Variants in MNT observed in about 807,000 individuals in gnomAD.
The protein encoded by MNT is max-binding protein MNT.
Under a neutral mutation model 40.7 loss-of-function variants are expected in MNT, and 13 were observed. That is an observed-to-expected ratio of 0.32 (90% CI 0.21 to 0.51). MNT has a LOEUF of 0.51. Ranked by LOEUF, MNT falls within the 20% of genes least tolerant of loss-of-function variation. The pLI is 0.98. For missense variants in MNT, 757 were observed against 792.0 expected (o/e 0.96, Z 0.53); for synonymous variants, 426 against 354.8 (o/e 1.20, Z -2.26).
rs763752700 is a variant in MNT at position 2,394,965 on chromosome 17, G to A, written c.563C>T (p.Pro188Leu). The change falls in exon 2 of 6, where the codon CCC becomes CTC. Residue 188 changes from proline (P) to leucine (L), a missense_variant. By Grantham distance (98) the Pro-to-Leu change is moderately conservative (BLOSUM62 -3). Transcript: ENST00000174618. ...PHPGVQPQLA[P>L]QQPPPPTLGT... ...CAGCGTGGGTGGGGGCGGCTGCTGGGGGGCCAGCTGAGGCTGGACTCCAGG... is the reference window on the plus strand; with the variant it reads ...CAGCGTGGGTGGGGGCGGCTGCTGGAGGGCCAGCTGAGGCTGGACTCCAGG... 3.7e-6 allele frequency: 6 copies of A among 1,607,346 alleles called. No homozygotes were observed. In the Admixed American group the frequency reaches 6.8e-5, roughly 18 times the overall value.
chr17:2,388,126 T>C, intron 4 of MNT, 77 bp from the exon 5 acceptor site: 1 of 1,388,654 alleles, frequency 7.2e-7, no homozygotes, highest in Non-Finnish European at 9.7e-7. Flanking sequence ...AACCTCTCCC[T>C]ATCAGCTGGC....
In MNT at chr17:2,386,733, C is replaced by A. The variant is rs1477760430; in HGVS notation, c.*168G>T. 3.2e-6 allele frequency: 2 copies of A among 631,430 alleles called. No homozygotes were observed. The highest frequency in any genetic ancestry group is 4.4e-4 in the Middle Eastern group (1 of 2,272). The allele number at this position is 631,430 out of a possible 1,614,324, so 39.1% of individuals were successfully genotyped here. A position where few individuals can be genotyped will look rare whatever the true frequency, so the allele number is the denominator to read the frequency against. On this transcript the variant is annotated 3_prime_UTR_variant, in exon 6 of 6. Transcript: ENST00000174618. ...CAAGTCCTAGTGCAGCAGGGTGGCC[C>A]TTCCCTCCCTTGGCTCAGAGTCTTT...
chr17:2,387,703 T>C, intron 5 of MNT, 54 bp from the exon 6 acceptor site: 1 of 1,601,778 alleles, frequency 6.2e-7, no homozygotes, highest in East Asian at 2.2e-5. Flanking sequence ...AGCAAGTGGC[T>C]GGAGGCGTAG....
Position 2,395,185 on chromosome 17 carries a change from G to T in MNT, c.343C>A (p.Pro115Thr). The T allele has an allele frequency of 6.8e-7, 1 of 1,461,332 alleles. No individual in the cohort carries two copies. The highest frequency in any genetic ancestry group is 9.0e-7 in the Non-Finnish European group (1 of 1,111,316). 90.5% of individuals were successfully genotyped at this position (1,461,332 alleles called of 1,614,324 possible). ...AGGGCCGGCTGACGAGGCGCCAGGG[G>T]CAGAGGCTGGGCTGCCGCGGGCAAG... ...PPLPAAAQPLPLAPRQPALVG... is the reference protein window; with the variant it reads ...PPLPAAAQPLTLAPRQPALVG... Residue 115 changes from proline (P) to threonine (T), a missense_variant, in exon 2 of 6, where the codon CCC (proline) becomes ACC (threonine). Around this residue, in one of 4 missense-constraint regions of MNT, gnomAD observed 335 missense variants for 291.4 expected, o/e 1.15. Coordinates refer to ENST00000174618, the MANE Select transcript of MNT (RefSeq NM_020310.3).
Position 2,387,538 on chromosome 17 carries a change from G to T in MNT, c.1112C>A (p.Pro371His), listed in dbSNP as rs779028423. 9.9e-6 allele frequency: 16 copies of T among 1,613,702 alleles called. No individual in the cohort carries two copies. The East Asian group carries it at 1.3e-4, about 13-fold the overall frequency. The change falls in exon 6 of 6, where the codon CCC (proline) becomes CAC (histidine). Residue 371 changes from proline to histidine, a missense_variant. Pro to His is a moderately conservative substitution (Grantham distance 77, BLOSUM62 -2). Coordinates refer to ENST00000174618, the MANE Select transcript of MNT (RefSeq NM_020310.3). ...AGGCAGAGGCGCAGGGGTGGTGCTG[G>T]GGGGTGGCAGGGTGGACTTCAGCAG... ...PELLKSTLPP[P>H]STTPAPLPPH...
At chr17:2,392,510 T>C (rs1013690201) in intron 4 of MNT, among the ~76,000 whole-genome samples, 2 of 152,230 alleles carry the variant, frequency 1.3e-5, no homozygotes, top group African/African-American at 2.4e-5. Context: ...TTCTCAAAAA[T>C]AATAGCTAAG....
In MNT at chr17:2,387,823, G is replaced by C. The variant is rs759332008; in HGVS notation, c.1000+34C>G. 5.7e-6 allele frequency: 9 copies of C among 1,573,060 alleles called. No homozygotes were observed. The South Asian group carries it at 9.1e-5, about 16-fold the overall frequency. On this transcript the variant is annotated intron_variant, in intron 5 of 5. Transcript: ENST00000174618. ...CTGGAATTTGAGGTGTAACATCTGA[G>C]GGCTGGGGGGCCAGCGTGGGGGCTG...
In MNT at chr17:2,385,736, C is replaced by T. The variant is rs2066452636; in HGVS notation, c.*1165G>A. On this transcript the variant is annotated 3_prime_UTR_variant, in exon 6 of 6. Transcript: ENST00000174618. ...AAGGGGCTGGAGCAGAAGCAGCAGC[C>T]CTAGCTCTGGCCCTCTGTTCTGTAT... is the stretch of plus-strand genomic sequence containing the variant. 1 of 152,332 alleles carries T rather than the reference C, an allele frequency of 6.6e-6. No individual in the cohort carries two copies. Among genetic ancestry groups the T allele is most frequent in the Admixed American group, 6.5e-5 (1 of 15,282 alleles). 9.4% of individuals were successfully genotyped at this position (152,332 alleles called of 1,614,324 possible).
In MNT at chr17:2,400,719, G is replaced by A. The variant is rs762710113; in HGVS notation, c.-7C>T. 12 of 1,552,978 alleles carry A rather than the reference G, an allele frequency of 7.7e-6. No homozygotes were observed. In the Admixed American group the frequency reaches 8.0e-5, roughly 10 times the overall value. On this transcript the variant is annotated 5_prime_UTR_variant, in exon 1 of 6. Coordinates refer to ENST00000174618, the MANE Select transcript of MNT (RefSeq NM_020310.3). Reference sequence around the variant, plus strand: ...GTAGCGTCTCTATGCTCATCGCGCCGAGAGCTGCCGGGGGCGCGCCGGGGC... The same window carrying A: ...GTAGCGTCTCTATGCTCATCGCGCCAAGAGCTGCCGGGGGCGCGCCGGGGC...
At chr17:2,388,106 A>C in intron 4 of MNT, 57 bp from the exon 5 acceptor site, 1 of 1,474,274 alleles carries the variant, frequency 6.8e-7, no homozygotes, top group South Asian at 1.3e-5. Flanking sequence ...TGGGGCCCAA[A>C]GCCCCCACAA....
chr17:2,386,749 C>G lies in MNT; in HGVS notation c.*152G>C. ...AGGGTGGCCCTTCCCTCCCTTGGCT[C>G]AGAGTCTTTGCACCCCCTTCCCCTA... On this transcript the variant is annotated 3_prime_UTR_variant, in exon 6 of 6. Coordinates refer to ENST00000174618, the MANE Select transcript of MNT (RefSeq NM_020310.3). 1 of 737,132 alleles carries G rather than the reference C, an allele frequency of 1.4e-6. No individual in the cohort carries two copies. The highest frequency in any genetic ancestry group is 2.0e-6 in the Non-Finnish European group (1 of 497,400). 45.7% of individuals were successfully genotyped at this position (737,132 alleles called of 1,614,324 possible).
chr17:2,394,762 T>G (rs776044102), intron 2 of MNT, 113 bp downstream of exon 2: 4 of 723,510 alleles, frequency 5.5e-6, no homozygotes, highest in Non-Finnish European at 9.3e-6. Context: ...GATGACGTGT[T>G]CAAATACAGG....
In MNT at chr17:2,400,952, A is replaced by G. The variant is rs945487545; in HGVS notation, c.-240T>C. 3.4e-5 allele frequency: 13 copies of G among 381,090 alleles called. No homozygotes were observed. Among genetic ancestry groups the G allele is most frequent in the African/African-American group, 2.4e-4 (11 of 46,534 alleles). The allele number at this position is 381,090 out of a possible 1,614,324, so 23.6% of individuals were successfully genotyped here. The stretch of plus-strand genomic sequence containing the variant: ...AAAAATGGGATGCAAAAAAAAAAAA[A>G]AGGCGGCACTGCCTCCCTTCTTCCC... On this transcript the variant is annotated 5_prime_UTR_variant, in exon 1 of 6. Transcript: ENST00000174618.
Position 2,387,132 on chromosome 17 carries a change from G to C in MNT, c.1518C>G (p.Ser506=). Residue 506 remains serine (S), a synonymous_variant, in exon 6 of 6, where the codon TCC becomes TCG. Coordinates refer to ENST00000174618, the MANE Select transcript of MNT (RefSeq NM_020310.3). ...CGGGCTGCGGGTACAAGGGCAGCTG[G>C]GAGCCCAGGTGGGCCACATGGTTGA... ...ATLNHVAHLG[S]QLPLYPQPVA... is the part of the protein sequence containing the mutation. The C allele has an allele frequency of 6.3e-7, 1 of 1,594,020 alleles. No individual in the cohort carries two copies. The highest frequency in any genetic ancestry group is 1.7e-4 in the Middle Eastern group (1 of 5,720).
intron 1 of MNT, 40 bp downstream of exon 1, chr17:2,400,600 C>T (rs2066608222): frequency 6.4e-7 from 1 of 1,558,298 alleles, no homozygotes; most frequent in South Asian, 1.2e-5. Context: ...CACTCGCTTC[C>T]CCTTCCCCAG....
intron 3 of MNT, 32 bp downstream of exon 3, chr17:2,394,273 G>GCGCACA (rs1555611866): frequency 7.4e-7 from 1 of 1,351,274 alleles, no homozygotes; most frequent in South Asian, 1.3e-5. Flanking sequence ...GCGCACGCAC[G>GCGCACA]CACGCACACA....
At position 2,393,148 on chromosome 17, in the gene MNT, C is replaced by A. The variant is rs946236041; in HGVS notation, c.807+895G>T. 8.3e-5 allele frequency among the ~76,000 whole-genome samples: 12 copies of A among 144,316 alleles called. No individual in the cohort carries two copies. The South Asian group carries it at 2.0e-3, about 24-fold the overall frequency. The allele number at this position is 144,316 out of a possible 152,430, so 94.7% of individuals were successfully genotyped here. On this transcript the variant is annotated intron_variant, in intron 4 of 5. Coordinates refer to ENST00000174618, the MANE Select transcript of MNT (RefSeq NM_020310.3). ...TCCCGGCTCGCCGCCCACCCCCCCCCCAACGCGGGCTGGGAGCCCCACGTC... is the reference window on the plus strand; with the variant it reads ...TCCCGGCTCGCCGCCCACCCCCCCCACAACGCGGGCTGGGAGCCCCACGTC...
In MNT at chr17:2,395,201, C is replaced by A; in HGVS notation, c.327G>T (p.Ala109=). ...GCGCCAGGGGCAGAGGCTGGGCTGC[C>A]GCGGGCAAGGGTGGGGGTGGGGGTA... The part of the protein sequence containing the change: ...QPLPPPPPLP[A]AAQPLPLAPR... Residue 109 remains alanine, a synonymous_variant, in exon 2 of 6, where the codon GCG becomes GCT. Transcript: ENST00000174618. The A allele has an allele frequency of 9.6e-7, 1 of 1,036,898 alleles. No homozygotes were observed. Among genetic ancestry groups the A allele is most frequent in the Non-Finnish European group, 1.2e-6 (1 of 811,206 alleles). The allele number at this position is 1,036,898 out of a possible 1,614,324, so 64.2% of individuals were successfully genotyped here. A position where few individuals can be genotyped will look rare whatever the true frequency, so the allele number is the denominator to read the frequency against.
rs929826557 is a variant in MNT, at chr17:2,386,246, G to C, written c.*655C>G. 6.6e-6 allele frequency: 1 copy of C among 152,320 alleles called. No homozygotes were observed. The highest frequency in any genetic ancestry group is 1.5e-5 in the Non-Finnish European group (1 of 68,118). The allele number at this position is 152,320 out of a possible 1,614,324, so 9.4% of individuals were successfully genotyped here. On this transcript the variant is annotated 3_prime_UTR_variant, in exon 6 of 6. Transcript: ENST00000174618. ...GGCTGGGTTTGGTTTATTGTTGGTA[G>C]AGAATCATTTTAAGTAGTATCTACG...
Sources: gnomAD v4.1 joint callset for allele counts (sites outside exome capture counted in the v4.1 genomes callset) on GRCh38, gnomAD v4.1.1 for gene constraint, gnomAD v4.1.1 regional missense constraint, MANE v1.5 for transcripts, NCBI Gene and HGNC (gene_info 2026-07-23, HGNC 2026-07-21) for gene names.